The following LRMDA variants were observed in gnomAD, a reference collection of about 807,000 sequenced individuals.
LRMDA encodes the protein leucine rich melanocyte differentiation associated.
In LRMDA, 18 loss-of-function variants were observed where a neutral mutation model predicts 29.8. The ratio of observed to expected loss-of-function variants is 0.60; its 90% CI spans 0.42 to 0.90. The LOEUF is 0.90. Ranked by LOEUF, LRMDA falls within the 40% of genes least tolerant of loss-of-function variation. The probability of loss-of-function intolerance (pLI) is 0.00; values close to 1 mark genes in which losing one functional copy is unlikely to be tolerated. For missense variants in LRMDA, 273 were observed against 273.9 expected (o/e 1.00, Z 0.02); for synonymous variants, 125 against 109.4 (o/e 1.14, Z -0.89).
chr10:76,315,660 C>T (rs549616299), intron 5 of LRMDA, among the ~76,000 whole-genome samples: 2 of 152,294 alleles, frequency 1.3e-5, no homozygotes, highest in African/African-American at 4.8e-5. Context: ...CCTGTAGACA[C>T]CCCTCAACGT....
chr10:76,014,323 GGGGTTAAACC>G, intron 2 of LRMDA, among the ~76,000 whole-genome samples: 1 of 151,298 alleles, frequency 6.6e-6, no homozygotes, highest in African/African-American at 2.4e-5. Flanking sequence ...CTGACCTTAC[GGGGTTAAACC>G]CAGCTGCCCT....
At chr10:75,699,578 A>G (rs1260564002) in intron 2 of LRMDA, among the ~76,000 whole-genome samples, 1 of 152,250 alleles carries the variant, frequency 6.6e-6, no homozygotes, top group African/African-American at 2.4e-5. Flanking sequence ...GAATGTGGAA[A>G]CTTACCCATT....
intron 6 of LRMDA, among the ~76,000 whole-genome samples, chr10:76,346,064 A>G (rs7094056): frequency 0.069 from 10,505 of 152,260 alleles, 471 homozygotes; most frequent in Middle Eastern, 0.14. Flanking sequence ...GTACAGTGCT[A>G]TACACCTTTT....
At chr10:75,538,216 A>G (rs1000813698) in intron 2 of LRMDA, among the ~76,000 whole-genome samples, 2 of 152,164 alleles carry the variant, frequency 1.3e-5, no homozygotes, top group African/African-American at 4.8e-5. Flanking sequence ...CCTATCTGCT[A>G]TGTTGTCATT....
chr10:75,736,005 G>A (rs80061863), intron 2 of LRMDA, among the ~76,000 whole-genome samples: 2,596 of 152,220 alleles, frequency 0.017, 72 homozygotes, highest in African/African-American at 0.057. Flanking sequence ...GTGAGAGGAG[G>A]ACAGGGCCAG....
chr10:76,438,179 G>A (rs1178412648), intron 6 of LRMDA, among the ~76,000 whole-genome samples: 1 of 152,140 alleles, frequency 6.6e-6, no homozygotes, highest in Non-Finnish European at 1.5e-5. Flanking sequence ...TTGGACATGA[G>A]GGGATATAAG....
intron 6 of LRMDA, among the ~76,000 whole-genome samples, chr10:76,400,392 T>A (rs1194607728): frequency 2.0e-5 from 3 of 152,220 alleles, no homozygotes; most frequent in Non-Finnish European, 4.4e-5. Flanking sequence ...CCACAGAAAG[T>A]GTGAGACAAC....
chr10:76,018,271 T>C (rs1406799541), intron 2 of LRMDA, among the ~76,000 whole-genome samples: 1 of 152,208 alleles, frequency 6.6e-6, no homozygotes, highest in Non-Finnish European at 1.5e-5. Context: ...TATTGTATGA[T>C]GTTTATCATC....
intron 5 of LRMDA, among the ~76,000 whole-genome samples, chr10:76,134,958 C>T (rs868491543): frequency 6.6e-6 from 1 of 152,074 alleles, no homozygotes; most frequent in Non-Finnish European, 1.5e-5. Context: ...GGACTCAATA[C>T]CCAGGAGAAT....
chr10:76,049,500 G>C (rs925855055), intron 4 of LRMDA, among the ~76,000 whole-genome samples: 3 of 152,158 alleles, frequency 2.0e-5, no homozygotes, highest in South Asian at 2.1e-4. Flanking sequence ...TGATTCTCTA[G>C]CACATTTAAA....
chr10:75,748,253 C>A (rs929321761), intron 2 of LRMDA, among the ~76,000 whole-genome samples: 7 of 152,152 alleles, frequency 4.6e-5, no homozygotes, highest in Non-Finnish European at 7.3e-5. Context: ...ACCACCACAC[C>A]TGGCTAATTT....
At chr10:75,814,315 T>C (rs765750120) in intron 2 of LRMDA, among the ~76,000 whole-genome samples, 1 of 152,198 alleles carries the variant, frequency 6.6e-6, no homozygotes, top group Non-Finnish European at 1.5e-5. Flanking sequence ...TTGGAGGAGA[T>C]GAGTGCAAAC....
chr10:76,517,769 A>G (rs1843076168), intron 6 of LRMDA, among the ~76,000 whole-genome samples: 1 of 151,982 alleles, frequency 6.6e-6, no homozygotes, highest in Admixed American at 6.6e-5. Flanking sequence ...CAAATGTAAC[A>G]TCTAAGTCAG....
chr10:76,074,650 G>A (rs1341478601), intron 5 of LRMDA, among the ~76,000 whole-genome samples: 1 of 152,158 alleles, frequency 6.6e-6, no homozygotes, highest in Admixed American at 6.5e-5. Context: ...TAAAATGCCT[G>A]GAACCCCAAG....
chr10:76,216,918 G>T (rs1476936126), intron 5 of LRMDA, among the ~76,000 whole-genome samples: 1 of 152,108 alleles, frequency 6.6e-6, no homozygotes, highest in Non-Finnish European at 1.5e-5. Flanking sequence ...ATTTTCAATG[G>T]ACTATTATAC....
At chr10:75,495,036 G>T (rs988123163) in intron 2 of LRMDA, among the ~76,000 whole-genome samples, 1 of 152,202 alleles carries the variant, frequency 6.6e-6, no homozygotes, top group Admixed American at 6.5e-5. Flanking sequence ...GAAATCTTAT[G>T]TAGCCGTCCA....
chr10:76,020,781 A>G (rs552165144), intron 2 of LRMDA, among the ~76,000 whole-genome samples: 1 of 152,366 alleles, frequency 6.6e-6, no homozygotes, highest in Non-Finnish European at 1.5e-5. Context: ...TGAAAAGAAT[A>G]GAATATAGAC....
At chr10:75,798,257 C>T (rs919462086) in intron 2 of LRMDA, among the ~76,000 whole-genome samples, 4 of 151,922 alleles carry the variant, frequency 2.6e-5, no homozygotes, top group African/African-American at 9.7e-5. Flanking sequence ...TTTCTCCCAG[C>T]CTGTGGGTTA....
intron 6 of LRMDA, among the ~76,000 whole-genome samples, chr10:76,554,798 G>C (rs1018790220): frequency 2.3e-5 from 1 of 42,784 alleles, no homozygotes. Context: ...TGGAGAAAGG[G>C]AAGAAAAAAA....
Sources: gnomAD v4.1 joint callset for allele counts (sites outside exome capture counted in the v4.1 genomes callset) on GRCh38, gnomAD v4.1.1 for gene constraint, MANE v1.5 for transcripts, NCBI Gene and HGNC (gene_info 2026-07-23, HGNC 2026-07-21) for gene names.